Variants in FRAS1 observed in about 807,000 individuals in gnomAD.
The protein encoded by FRAS1 is Fraser extracellular matrix complex subunit 1.
In FRAS1, 290 loss-of-function variants were observed where a neutral mutation model predicts 435.2. The ratio of observed to expected loss-of-function variants is 0.67; its 90% CI spans 0.61 to 0.73. The LOEUF is 0.73. Ranked by LOEUF, FRAS1 falls within the 30% of genes least tolerant of loss-of-function variation. The pLI, the probability that FRAS1 is intolerant of heterozygous loss-of-function variation, is 0.00. For synonymous variants in FRAS1, 1,800 were observed against 1,851.0 expected, an observed-to-expected ratio of 0.97 and a Z score of 0.71; for missense variants, 4,860 against 5,001.5, an observed-to-expected ratio of 0.97 and a Z score of 0.85.
At chr4:78,521,833 C>T (rs1721396119) in intron 68 of FRAS1, among the ~76,000 whole-genome samples, 2 of 152,088 alleles carry the variant, frequency 1.3e-5, no homozygotes, top group African/African-American at 2.4e-5. Context: ...GTCAAGTTAC[C>T]CAAAATACTT....
At chr4:78,409,957 A>T (rs1733268514) in intron 31 of FRAS1, among the ~76,000 whole-genome samples, 2 of 152,226 alleles carry the variant, frequency 1.3e-5, no homozygotes, top group South Asian at 4.1e-4. Flanking sequence ...TAAATTTGGA[A>T]ACCATTAAAA....
chr4:78,229,751 C>T (rs954479863), intron 2 of FRAS1, among the ~76,000 whole-genome samples: 3 of 151,976 alleles, frequency 2.0e-5, no homozygotes, highest in Admixed American at 6.6e-5. Flanking sequence ...CAGATCTAGC[C>T]GCTCCTATTA....
At chr4:78,296,663 C>T (rs1417442071) in intron 14 of FRAS1, among the ~76,000 whole-genome samples, 4 of 152,194 alleles carry the variant, frequency 2.6e-5, no homozygotes, top group African/African-American at 7.2e-5. Context: ...GGAGCCCATT[C>T]GTATAGCTGC....
intron 2 of FRAS1, among the ~76,000 whole-genome samples, chr4:78,085,192 T>C (rs1371573991): frequency 6.6e-6 from 1 of 152,138 alleles, no homozygotes; most frequent in African/African-American, 2.4e-5. Context: ...ATGTGATTAA[T>C]TCTGTTGTCA....
chr4:78,148,713 T>C (rs1048937602), intron 2 of FRAS1, among the ~76,000 whole-genome samples: 2 of 152,218 alleles, frequency 1.3e-5, no homozygotes, highest in African/African-American at 4.8e-5. Flanking sequence ...ACCAGAGTCA[T>C]TGATATTCAA....
At chr4:78,488,321 T>C (rs1347130064) in intron 58 of FRAS1, among the ~76,000 whole-genome samples, 2 of 152,210 alleles carry the variant, frequency 1.3e-5, no homozygotes, top group Non-Finnish European at 2.9e-5. Flanking sequence ...CTGGCTTCAT[T>C]TGAAAATAAG....
chr4:78,298,024 C>CTA lies in FRAS1; in HGVS notation c.1535-10041_1535-10040insAT, dbSNP rs1188075214. ...TGTTCCTCTCTCTCTCTCTCTCTCT[C>CTA]TCTCTCTATATATATATATATATAT... On this transcript the variant is annotated intron_variant, in intron 14 of 73. Coordinates refer to ENST00000512123, the MANE Select transcript of FRAS1 (RefSeq NM_025074.7). Among the ~76,000 whole-genome samples, 12 of 109,560 alleles carry CTA rather than the reference C, an allele frequency of 1.1e-4. No individual in the cohort carries two copies. In the East Asian group the frequency reaches 2.1e-3, roughly 20 times the overall value. 71.9% of individuals were successfully genotyped at this position (109,560 alleles called of 152,430 possible). A position where few individuals can be genotyped will look rare whatever the true frequency, so the allele number is the denominator to read the frequency against.
At chr4:78,276,099 G>C (rs1447731719) in intron 9 of FRAS1, among the ~76,000 whole-genome samples, 1 of 152,080 alleles carries the variant, frequency 6.6e-6, no homozygotes, top group Non-Finnish European at 1.5e-5. Flanking sequence ...TCTTCCAGTT[G>C]ATCAAATCAG....
At chr4:78,317,590 A>G in intron 17 of FRAS1, 82 bp downstream of exon 17, 1 of 1,309,872 alleles carries the variant, frequency 7.6e-7, no homozygotes, top group Non-Finnish European at 1.0e-6. Flanking sequence ...ATAACTTTCC[A>G]GTGTAACTTT....
intron 22 of FRAS1, among the ~76,000 whole-genome samples, chr4:78,366,608 AC>A: frequency 6.6e-6 from 1 of 151,788 alleles, no homozygotes; most frequent in East Asian, 1.9e-4. Flanking sequence ...AGGTGATTGA[AC>A]CCCCACACTG....
chr4:78,332,049 A>T (rs569001494), intron 18 of FRAS1, among the ~76,000 whole-genome samples: 10 of 152,310 alleles, frequency 6.6e-5, no homozygotes, highest in African/African-American at 2.4e-4. Flanking sequence ...GAATGGGTGA[A>T]GTAGGGTAAG....
intron 2 of FRAS1, among the ~76,000 whole-genome samples, chr4:78,115,848 TA>T (rs1424150596): frequency 6.6e-6 from 1 of 152,158 alleles, no homozygotes; most frequent in Non-Finnish European, 1.5e-5. Context: ...TCTCTGATCT[TA>T]GTTATTTTTT....
chr4:78,207,205 C>T (rs1723298392), intron 2 of FRAS1, among the ~76,000 whole-genome samples: 1 of 152,214 alleles, frequency 6.6e-6, no homozygotes, highest in African/African-American at 2.4e-5. Context: ...ATGTCCTACA[C>T]TACTTCAATT....
At chr4:78,476,504 G>A (rs927733213) in intron 54 of FRAS1, among the ~76,000 whole-genome samples, 1 of 152,020 alleles carries the variant, frequency 6.6e-6, no homozygotes. Context: ...TGTTATTATG[G>A]CAACACAGAT....
At chr4:78,357,830 G>A (rs180770725) in intron 20 of FRAS1, among the ~76,000 whole-genome samples, 1 of 152,180 alleles carries the variant, frequency 6.6e-6, no homozygotes, top group Non-Finnish European at 1.5e-5. Context: ...GGAGCCCCGA[G>A]TTCAAGGTTT....
At chr4:78,091,514 G>C (rs1033933602) in intron 2 of FRAS1, among the ~76,000 whole-genome samples, 10 of 152,070 alleles carry the variant, frequency 6.6e-5, no homozygotes, top group Non-Finnish European at 1.3e-4. Context: ...GGGCCAAAAT[G>C]TATTTTGAGG....
chr4:78,075,730 T>C (rs1001065047), intron 2 of FRAS1, among the ~76,000 whole-genome samples: 1 of 152,174 alleles, frequency 6.6e-6, no homozygotes, highest in African/African-American at 2.4e-5. Context: ...ATATAGTAAA[T>C]AGATGCTCGC....
chr4:78,242,586 C>T (rs1725052921), intron 3 of FRAS1, among the ~76,000 whole-genome samples: 1 of 152,140 alleles, frequency 6.6e-6, no homozygotes, highest in African/African-American at 2.4e-5. Context: ...CAGGCATGTG[C>T]CACCACATCC....
chr4:78,494,242 A>G (rs1280917750), intron 59 of FRAS1, among the ~76,000 whole-genome samples: 5 of 152,052 alleles, frequency 3.3e-5, no homozygotes, highest in Non-Finnish European at 7.4e-5. Context: ...TGTACATGTA[A>G]TCTGTTGCTT....
Sources: gnomAD v4.1 joint callset for allele counts (sites outside exome capture counted in the v4.1 genomes callset) on GRCh38, gnomAD v4.1.1 for gene constraint, MANE v1.5 for transcripts, NCBI Gene and HGNC (gene_info 2026-07-23, HGNC 2026-07-21) for gene names.